CSNK1G1: variants seen among roughly 807,000 people sequenced by gnomAD.
CSNK1G1 encodes casein kinase 1 gamma 1.
A neutral mutation model predicts 59.6 loss-of-function variants in CSNK1G1; 22 were observed. That is an observed-to-expected ratio of 0.37 (90% CI 0.26 to 0.53). CSNK1G1 has a LOEUF of 0.53. Among genes scored for constraint, CSNK1G1 ranks in the 20% least tolerant of loss-of-function variants. The pLI is 0.89. For missense variants in CSNK1G1, 384 were observed against 519.5 expected (o/e 0.74, Z 2.54); for synonymous variants, 179 against 177.1 (o/e 1.01, Z -0.08).
intron 2 of CSNK1G1, among the ~76,000 whole-genome samples, chr15:64,295,136 G>A (rs1380792938): frequency 1.3e-5 from 2 of 152,186 alleles, no homozygotes; most frequent in South Asian, 2.1e-4. Flanking sequence ...TTCTGCATAT[G>A]TGTCACCCAG....
chr15:64,267,450 A>G (rs1455123824), intron 2 of CSNK1G1, among the ~76,000 whole-genome samples: 2 of 152,152 alleles, frequency 1.3e-5, no homozygotes, highest in African/African-American at 2.4e-5. Context: ...AGGAACTTGA[A>G]CAACTCACTA....
Position 64,216,423 on chromosome 15 carries a change from G to T in CSNK1G1, c.444+139C>A. ...CTCTGAATTTACCCTTTTTGCCCCAGCCAGCTTCCCAGAATGCCATCAAGC... is the reference window on the plus strand; with the variant it reads ...CTCTGAATTTACCCTTTTTGCCCCATCCAGCTTCCCAGAATGCCATCAAGC... On this transcript the variant is annotated intron_variant, in intron 5 of 11. Coordinates refer to ENST00000303052, the MANE Select transcript of CSNK1G1 (RefSeq NM_022048.5). The surrounding 1 kb of genome is among the most constrained non-coding windows in gnomAD (Gnocchi z 4.6). 1.2e-6 allele frequency: 1 copy of T among 813,644 alleles called. No individual in the cohort carries two copies. The allele number at this position is 813,644 out of a possible 1,614,324, so 50.4% of individuals were successfully genotyped here. A position where few individuals can be genotyped will look rare whatever the true frequency, so the allele number is the denominator to read the frequency against.
chr15:64,273,644 C>T (rs560054294), intron 2 of CSNK1G1, among the ~76,000 whole-genome samples: 40 of 151,578 alleles, frequency 2.6e-4, no homozygotes, highest in African/African-American at 9.7e-4. Context: ...GAGGGGTGTC[C>T]AACCTTTTGG....
chr15:64,310,703 T>C (rs1469788196), intron 1 of CSNK1G1, among the ~76,000 whole-genome samples: 1 of 151,898 alleles, frequency 6.6e-6, no homozygotes. Context: ...AGAAACACTC[T>C]GTCTCAAAAA....
At chr15:64,203,218 G>A in intron 9 of CSNK1G1, 29 bp from the exon 10 acceptor site, 1 of 1,444,284 alleles carries the variant, frequency 6.9e-7, no homozygotes, top group Non-Finnish European at 9.7e-7. Flanking sequence ...AAGTCAAATG[G>A]GGGAAACAGG....
At chr15:64,242,041 G>A (rs1463809838) in intron 4 of CSNK1G1, among the ~76,000 whole-genome samples, 11 of 151,906 alleles carry the variant, frequency 7.2e-5, no homozygotes, top group Admixed American at 7.2e-4. Context: ...TGATACCACA[G>A]AAATACAAAG....
At chr15:64,239,728 C>A (rs901173264) in intron 4 of CSNK1G1, among the ~76,000 whole-genome samples, 2 of 152,062 alleles carry the variant, frequency 1.3e-5, no homozygotes, top group Non-Finnish European at 2.9e-5. Flanking sequence ...AAAATACAGA[C>A]AAGTAAGTCA....
chr15:64,242,855 C>T (rs1367955769), intron 4 of CSNK1G1, among the ~76,000 whole-genome samples: 4 of 151,968 alleles, frequency 2.6e-5, no homozygotes, highest in African/African-American at 9.7e-5. Flanking sequence ...AAACCAAATC[C>T]AACAATGTAT....
intron 1 of CSNK1G1, among the ~76,000 whole-genome samples, chr15:64,344,018 A>G (rs1555405279): frequency 2.6e-5 from 4 of 152,046 alleles, no homozygotes; most frequent in Non-Finnish European, 5.9e-5. Flanking sequence ...ATGGTGAGTC[A>G]TTTAGCCCCT....
At chr15:64,236,122 G>A (rs1171405074) in intron 4 of CSNK1G1, among the ~76,000 whole-genome samples, 6 of 129,234 alleles carry the variant, frequency 4.6e-5, no homozygotes, top group South Asian at 2.5e-4. Flanking sequence ...CAGCCTGGGC[G>A]ACAGAGTGAG....
rs533494441 is a variant in CSNK1G1, at chr15:64,180,888, G to C, written c.1108-434C>G. ...TTACTTTGTTAAGTTAAAAATAACTGCATGGCTGACTTCTAAAGGTAAAAT... is the reference window on the plus strand; with the variant it reads ...TTACTTTGTTAAGTTAAAAATAACTCCATGGCTGACTTCTAAAGGTAAAAT... On this transcript the variant is annotated intron_variant, in intron 10 of 11. Coordinates refer to ENST00000303052, the MANE Select transcript of CSNK1G1 (RefSeq NM_022048.5). 2.0e-5 allele frequency among the ~76,000 whole-genome samples: 3 copies of C among 152,232 alleles called. No homozygotes were observed. In the South Asian group the frequency reaches 6.2e-4, roughly 32 times the overall value.
At chr15:64,254,353 CTTTTTT>C (rs564370323) in intron 3 of CSNK1G1, among the ~76,000 whole-genome samples, 1 of 135,194 alleles carries the variant, frequency 7.4e-6, no homozygotes, top group African/African-American at 2.8e-5. Context: ...TGCCATTGAA[CTTTTTT>C]TTTTTTTTTT....
intron 10 of CSNK1G1, 25 bp from the exon 11 acceptor site, chr15:64,180,479 T>C: frequency 6.4e-7 from 1 of 1,571,962 alleles, no homozygotes; most frequent in South Asian, 1.1e-5. Context: ...CAGAAGTGTG[T>C]GACAGGCACC....
chr15:64,332,063 T>C (rs1054605601), intron 1 of CSNK1G1, among the ~76,000 whole-genome samples: 31 of 148,360 alleles, frequency 2.1e-4, no homozygotes, highest in Middle Eastern at 3.5e-3. Context: ...GGAACACTTT[T>C]ACACTGTTGG....
At chr15:64,180,309 A>G in intron 11 of CSNK1G1, 39 bp downstream of exon 11, 1 of 1,487,414 alleles carries the variant, frequency 6.7e-7, no homozygotes, top group Non-Finnish European at 9.4e-7. Context: ...AAGATTTTTC[A>G]ACCCATGACT....
At chr15:64,292,629 A>G (rs2140388104) in intron 2 of CSNK1G1, among the ~76,000 whole-genome samples, 1 of 152,300 alleles carries the variant, frequency 6.6e-6, no homozygotes, top group Non-Finnish European at 1.5e-5. Flanking sequence ...TGTGGATGTG[A>G]AAGAAATATC....
chr15:64,224,304 A>C (rs1335531063), intron 4 of CSNK1G1, among the ~76,000 whole-genome samples: 2 of 152,206 alleles, frequency 1.3e-5, no homozygotes, highest in African/African-American at 4.8e-5. Flanking sequence ...GGGATCAGGC[A>C]ATTATTATTA....
chr15:64,291,181 A>C (rs1050778250), intron 2 of CSNK1G1, among the ~76,000 whole-genome samples: 3 of 152,214 alleles, frequency 2.0e-5, no homozygotes, highest in African/African-American at 7.2e-5. Flanking sequence ...TGGCTGATAC[A>C]CTTTCATTTG....
intron 4 of CSNK1G1, among the ~76,000 whole-genome samples, chr15:64,248,837 T>C (rs1891906389): frequency 7.9e-6 from 1 of 127,192 alleles, no homozygotes; most frequent in Admixed American, 7.6e-5. Context: ...ATACAAAAAA[T>C]TGGCCAGGCG....
Sources: allele counts gnomAD v4.1 joint callset (sites outside exome capture counted in the v4.1 genomes callset), GRCh38; gene constraint gnomAD v4.1.1; non-coding constraint Gnocchi (gnomAD v3.1); transcripts MANE v1.5; gene names NCBI Gene and HGNC (gene_info 2026-07-23, HGNC 2026-07-21).